The following TGFB2 variants were observed in gnomAD, a reference collection of about 807,000 sequenced individuals.
TGFB2 encodes transforming growth factor beta 2, also known as transforming growth factor beta-2 proprotein.
In TGFB2, 13 loss-of-function variants were observed where a neutral mutation model predicts 42.7. The observed-to-expected ratio is 0.30, with a 90% CI of 0.20 to 0.48. TGFB2 has a LOEUF of 0.48. Ranked by LOEUF, TGFB2 falls within the 20% of genes least tolerant of loss-of-function variation. TGFB2 has a pLI of 0.99. For missense variants in TGFB2, 390 were observed against 517.5 expected (o/e 0.75, Z 2.39); for synonymous variants, 193 against 193.6 (o/e 1.00, Z 0.03).
At chr1:218,394,865 G>A (rs1245314593) in intron 1 of TGFB2, among the ~76,000 whole-genome samples, 1 of 152,042 alleles carries the variant, frequency 6.6e-6, no homozygotes, top group Non-Finnish European at 1.5e-5. Flanking sequence ...CAATTGTCTT[G>A]GTTTCTTGCT....
At position 218,441,321 on chromosome 1, in the gene TGFB2, C is replaced by A; in HGVS notation, c.1204C>A (p.Gln402Lys). ...YYIGKTPKIE[Q>K]LSNMIVKSCK... ...CATTGGCAAAACACCCAAGATTGAA[C>A]AGCTTTCTAATATGATTGTAAAGTC... The change falls in exon 7 of 7, where the codon CAG becomes AAG. Residue 402 changes from glutamine (Q) to lysine (K), a missense_variant. Physicochemically the swap from Gln to Lys is moderately conservative, Grantham distance 53. Transcript: ENST00000366930. 1 of 1,612,006 alleles carries A rather than the reference C, an allele frequency of 6.2e-7. No individual in the cohort carries two copies. The highest frequency in any genetic ancestry group is 8.5e-7 in the Non-Finnish European group (1 of 1,179,578).
intron 1 of TGFB2, among the ~76,000 whole-genome samples, chr1:218,384,842 AG>A (rs1437583301): frequency 3.3e-5 from 5 of 152,202 alleles, no homozygotes; most frequent in African/African-American, 1.2e-4. Context: ...TCATGGCAGG[AG>A]GAGGTTCAGT....
intron 2 of TGFB2, among the ~76,000 whole-genome samples, chr1:218,418,182 C>A (rs750744087): frequency 6.2e-4 from 94 of 152,334 alleles, no homozygotes; most frequent in Non-Finnish European, 1.1e-3. Context: ...CCCATAAAAG[C>A]AGCCAAGAGG....
intron 1 of TGFB2, among the ~76,000 whole-genome samples, chr1:218,403,061 G>A (rs991681924): frequency 4.6e-5 from 7 of 152,222 alleles, no homozygotes; most frequent in African/African-American, 2.4e-5. Context: ...GTGCTAGGGG[G>A]CTCCAAAAGC....
chr1:218,386,161 C>T (rs1277216551), intron 1 of TGFB2, among the ~76,000 whole-genome samples: 5 of 152,156 alleles, frequency 3.3e-5, no homozygotes, highest in Non-Finnish European at 5.9e-5. Flanking sequence ...GGTGGGGACA[C>T]GGGACAGTGG....
intron 2 of TGFB2, among the ~76,000 whole-genome samples, chr1:218,427,787 T>C (rs993800308): frequency 5.9e-5 from 9 of 152,234 alleles, no homozygotes; most frequent in Admixed American, 1.3e-4. Context: ...AGTGCCGCAA[T>C]AAACATTCGT....
intron 1 of TGFB2, among the ~76,000 whole-genome samples, chr1:218,351,905 C>T (rs1656878907): frequency 6.6e-6 from 1 of 152,236 alleles, no homozygotes; most frequent in Non-Finnish European, 1.5e-5. Context: ...GCTAATGACT[C>T]ACTGTTGAAC....
chr1:218,395,334 T>C (rs893091924), intron 1 of TGFB2, among the ~76,000 whole-genome samples: 2 of 152,220 alleles, frequency 1.3e-5, no homozygotes, highest in Non-Finnish European at 2.9e-5. Context: ...TGGCCTTGCA[T>C]TAAAGTTTTT....
At chr1:218,365,206 C>T (rs181957312) in intron 1 of TGFB2, among the ~76,000 whole-genome samples, 26 of 152,204 alleles carry the variant, frequency 1.7e-4, no homozygotes, top group Admixed American at 1.3e-3. Flanking sequence ...GGCCCAGATG[C>T]CACCATACCA....
At position 218,346,056 on chromosome 1, in the gene TGFB2, GCACACACACACA is replaced by G. The variant is rs151329324; in HGVS notation, c.-632_-621del. On this transcript the variant is annotated 5_prime_UTR_variant, in exon 1 of 7. Transcript: ENST00000366930. The surrounding 1 kb of genome is among the most constrained non-coding windows in gnomAD (Gnocchi z 4.9). ...GGGCTCGCCCCCAGCGCGCGCACAC[GCACACACACACA>G]CACACACACACACGCACGCACACAC... Among the ~76,000 whole-genome samples, 1 of 145,604 alleles carries G rather than the reference GCACACACACACA, an allele frequency of 6.9e-6. No individual in the cohort carries two copies. The highest frequency in any genetic ancestry group is 1.5e-5 in the Non-Finnish European group (1 of 65,968).
intron 2 of TGFB2, among the ~76,000 whole-genome samples, chr1:218,411,608 G>T (rs1042073784): frequency 6.6e-6 from 1 of 152,156 alleles, no homozygotes; most frequent in Non-Finnish European, 1.5e-5. Flanking sequence ...GGTGGCTTAC[G>T]CATGTAATCC....
intron 1 of TGFB2, among the ~76,000 whole-genome samples, chr1:218,382,599 G>A (rs1658000802): frequency 6.6e-6 from 1 of 152,132 alleles, no homozygotes; most frequent in Non-Finnish European, 1.5e-5. Context: ...TTTGTTTTGT[G>A]GAAAGTGAGA....
intron 1 of TGFB2, among the ~76,000 whole-genome samples, chr1:218,356,800 A>G (rs1391846158): frequency 6.6e-6 from 1 of 152,036 alleles, no homozygotes; most frequent in Non-Finnish European, 1.5e-5. Flanking sequence ...CTGTGGTTAT[A>G]CTCATGTAGA....
chr1:218,353,712 C>T (rs1457362522), intron 1 of TGFB2, among the ~76,000 whole-genome samples: 1 of 152,172 alleles, frequency 6.6e-6, no homozygotes, highest in East Asian at 1.9e-4. Flanking sequence ...GCCTGGGCAA[C>T]ATAGCAAGAT....
intron 1 of TGFB2, among the ~76,000 whole-genome samples, chr1:218,361,879 C>A (rs892895678): frequency 1.3e-5 from 2 of 152,138 alleles, no homozygotes; most frequent in African/African-American, 4.8e-5. Flanking sequence ...CATATGTGAG[C>A]AGATGTCAGC....
intron 1 of TGFB2, among the ~76,000 whole-genome samples, chr1:218,348,218 A>G (rs1040050121): frequency 6.6e-6 from 1 of 152,164 alleles, no homozygotes; most frequent in African/African-American, 2.4e-5. Flanking sequence ...ATCCCAAGTC[A>G]TAAACTTTTC....
At chr1:218,380,721 G>T (rs954829933) in intron 1 of TGFB2, among the ~76,000 whole-genome samples, 3 of 152,110 alleles carry the variant, frequency 2.0e-5, no homozygotes, top group African/African-American at 7.2e-5. Flanking sequence ...TAGAGTGGGG[G>T]TGGGTCAGGC....
In TGFB2 at chr1:218,442,651, A is replaced by T; in HGVS notation, c.*1289A>T. On this transcript the variant is annotated 3_prime_UTR_variant, in exon 7 of 7. Transcript: ENST00000366930. The stretch of plus-strand genomic sequence containing the variant: ...TTCTTTCATTATTATGACATAAGCT[A>T]CCTGGGTCCACTTGTCTTTTCTTTT... 1 of 150,562 alleles carries T rather than the reference A, an allele frequency of 6.6e-6. No individual in the cohort carries two copies. The allele number at this position is 150,562 out of a possible 1,614,324, so 9.3% of individuals were successfully genotyped here.
intron 1 of TGFB2, among the ~76,000 whole-genome samples, chr1:218,382,073 G>A (rs1657980416): frequency 6.6e-6 from 1 of 151,992 alleles, no homozygotes; most frequent in African/African-American, 2.4e-5. Flanking sequence ...GCCCTTACCA[G>A]ATGGAGGCCA....
Sources: gnomAD v4.1 joint callset for allele counts (sites outside exome capture counted in the v4.1 genomes callset) on GRCh38, gnomAD v4.1.1 for gene constraint, Gnocchi (gnomAD v3.1) non-coding constraint, MANE v1.5 for transcripts, NCBI Gene and HGNC (gene_info 2026-07-23, HGNC 2026-07-21) for gene names.